Variants in LINGO1 observed in about 807,000 individuals in gnomAD.
LINGO1 encodes leucine-rich repeat and immunoglobulin-like domain-containing nogo receptor-interacting protein 1.
Under a neutral mutation model 37.3 loss-of-function variants are expected in LINGO1, and 11 were observed. The ratio of observed to expected loss-of-function variants is 0.29; its 90% confidence interval spans 0.19 to 0.49. The LOEUF is 0.49. LINGO1 is among the 20% of genes least tolerant of loss of function. The pLI, the probability that LINGO1 is intolerant of heterozygous loss-of-function variation, is 0.99. For missense variants in LINGO1, 585 were observed against 878.2 expected, an observed-to-expected ratio of 0.67 and a Z score of 4.22; for synonymous variants, 387 against 403.0, an observed-to-expected ratio of 0.96 and a Z score of 0.48.
intron 2 of LINGO1, among the ~76,000 whole-genome samples, chr15:77,717,652 C>T (rs2076000871): frequency 6.6e-6 from 1 of 150,828 alleles, no homozygotes; most frequent in Admixed American, 6.6e-5. Context: ...CCGCTTCTAC[C>T]TTAGCTGGCA....
chr15:77,656,570 G>A (rs2074871305), intron 3 of LINGO1, among the ~76,000 whole-genome samples: 1 of 152,186 alleles, frequency 6.6e-6, no homozygotes, highest in African/African-American at 2.4e-5. Context: ...TGGGGCTTGG[G>A]CTGCAACGGG....
chr15:77,664,243 C>T (rs1434820255), intron 3 of LINGO1, among the ~76,000 whole-genome samples: 2 of 151,720 alleles, frequency 1.3e-5, no homozygotes, highest in Non-Finnish European at 2.9e-5. Context: ...TTGCTGAAAG[C>T]TCTGGGAAAT....
At chr15:77,622,225 A>G (rs1329298891) in intron 1 of LINGO1, among the ~76,000 whole-genome samples, 1 of 151,974 alleles carries the variant, frequency 6.6e-6, no homozygotes. Context: ...AGAGAAACCC[A>G]GAGACACCCG....
At chr15:77,657,802 G>A (rs1389566105) in intron 3 of LINGO1, among the ~76,000 whole-genome samples, 1 of 152,202 alleles carries the variant, frequency 6.6e-6, no homozygotes, top group Non-Finnish European at 1.5e-5. Flanking sequence ...CGCCGCGGGG[G>A]CTTGAGGGAG....
At chr15:77,763,646 T>C (rs752811134) in intron 1 of LINGO1, among the ~76,000 whole-genome samples, 1 of 152,100 alleles carries the variant, frequency 6.6e-6, no homozygotes, top group Non-Finnish European at 1.5e-5. Flanking sequence ...TTTCTGGCTT[T>C]AGGAACTCTT....
intron 3 of LINGO1, among the ~76,000 whole-genome samples, chr15:77,670,326 TA>T (rs2075225662): frequency 6.6e-6 from 1 of 152,274 alleles, no homozygotes; most frequent in Non-Finnish European, 1.5e-5. Flanking sequence ...CTGTATGCTT[TA>T]AAATAGTGAC....
chr15:77,780,358 G>C (rs528101257), intron 1 of LINGO1, among the ~76,000 whole-genome samples: 1 of 152,238 alleles, frequency 6.6e-6, no homozygotes, highest in East Asian at 1.9e-4. Flanking sequence ...CGCAGCCTAG[G>C]CATGGGGAGA....
chr15:77,783,166 G>A (rs1043448156), intron 1 of LINGO1, among the ~76,000 whole-genome samples: 9 of 152,082 alleles, frequency 5.9e-5, no homozygotes, highest in African/African-American at 1.9e-4. Context: ...CCTATTCCAC[G>A]GCCCTGTCGT....
intron 1 of LINGO1, among the ~76,000 whole-genome samples, chr15:77,621,159 ATTTTCT>A (rs2073906689): frequency 2.0e-5 from 3 of 151,236 alleles, no homozygotes; most frequent in Admixed American, 6.6e-5. Flanking sequence ...GGTTCAAGTG[ATTTTCT>A]GGCCTCAGCC....
intron 1 of LINGO1, among the ~76,000 whole-genome samples, chr15:77,770,855 C>T (rs1302243800): frequency 1.3e-5 from 2 of 152,224 alleles, no homozygotes; most frequent in African/African-American, 4.8e-5. Context: ...AGAGAGCACC[C>T]AGATGCCCAC....
At chr15:77,650,795 G>C (rs2141138108) in intron 3 of LINGO1, among the ~76,000 whole-genome samples, 1 of 152,240 alleles carries the variant, frequency 6.6e-6, no homozygotes, top group Admixed American at 6.5e-5. Context: ...GAGGGCAGAG[G>C]CTATATATGG....
At chr15:77,806,468 C>G (rs2141471632) in intron 1 of LINGO1, among the ~76,000 whole-genome samples, 1 of 152,298 alleles carries the variant, frequency 6.6e-6, no homozygotes, top group African/African-American at 2.4e-5. Flanking sequence ...TCCCCAGCTC[C>G]ACCTGCCTTC....
At chr15:77,764,260 T>C (rs1030591039) in intron 1 of LINGO1, among the ~76,000 whole-genome samples, 9 of 152,190 alleles carry the variant, frequency 5.9e-5, no homozygotes, top group African/African-American at 2.2e-4. Flanking sequence ...AGTGATAATT[T>C]AGCCATATAC....
At position 77,785,621 on chromosome 15, in the gene LINGO1, G is replaced by T. The variant is rs528128518; in HGVS notation, c.-257+1248C>A. 9.9e-5 allele frequency among the ~76,000 whole-genome samples: 15 copies of T among 152,064 alleles called. No homozygotes were observed. In the South Asian group the frequency reaches 2.9e-3, roughly 30 times the overall value. On this transcript the variant is annotated intron_variant, in intron 1 of 3. Transcript: ENST00000561686. The stretch of plus-strand genomic sequence containing the variant: ...GGACCTCTCAGGGCTCTGACCCCCA[G>T]CCCCCAGCAGCTCTCAGACAGCTCA...
chr15:77,633,149 A>G (rs1160123767), upstream of LINGO1, among the ~76,000 whole-genome samples: 1 of 151,404 alleles, frequency 6.6e-6, no homozygotes, highest in Non-Finnish European at 1.5e-5. Flanking sequence ...CGCACCAGCC[A>G]GGCGCTCCAG....
intron 1 of LINGO1, among the ~76,000 whole-genome samples, chr15:77,760,322 T>C (rs928260691): frequency 7.9e-5 from 12 of 152,054 alleles, no homozygotes; most frequent in Non-Finnish European, 4.4e-5. Flanking sequence ...CAGGCTCCCG[T>C]CCCCCAGCCC....
intron 2 of LINGO1, among the ~76,000 whole-genome samples, chr15:77,713,629 G>A (rs967786028): frequency 2.0e-5 from 3 of 151,852 alleles, no homozygotes; most frequent in African/African-American, 7.3e-5. Context: ...ATACACACAC[G>A]CGCACACACA....
At chr15:77,690,701 GA>G (rs2075588351) in intron 2 of LINGO1, 2 of 152,306 alleles carry the variant, frequency 1.3e-5, no homozygotes, top group Admixed American at 6.5e-5. Flanking sequence ...GGAATGGGTA[GA>G]GGGGGGATGC....
chr15:77,699,405 CCA>C (rs746656091), upstream of LINGO1, among the ~76,000 whole-genome samples: 5 of 120,588 alleles, frequency 4.1e-5, no homozygotes, highest in Admixed American at 8.6e-5. Context: ...ACCATCATCC[CCA>C]CACACAGTAA....
Sources: allele counts gnomAD v4.1 joint callset (sites outside exome capture counted in the v4.1 genomes callset), GRCh38; gene constraint gnomAD v4.1.1; transcripts MANE v1.5; gene names NCBI Gene and HGNC (gene_info 2026-07-23, HGNC 2026-07-21).